CCDC138: variants seen among roughly 807,000 people sequenced by gnomAD.
CCDC138 encodes the protein coiled-coil domain containing 138.
A neutral mutation model predicts 82.3 loss-of-function variants in CCDC138; 66 were observed. That is an observed-to-expected ratio of 0.80 (90% CI 0.66 to 0.98). The LOEUF (loss-of-function observed/expected upper bound fraction) is 0.98. Among genes scored for constraint, CCDC138 ranks in the 50% least tolerant of loss-of-function variants. CCDC138 has a pLI of 0.00. For missense variants in CCDC138, 816 were observed against 758.9 expected (o/e 1.08, Z -0.88); for synonymous variants, 297 against 265.4 (o/e 1.12, Z -1.16).
intron 12 of CCDC138, among the ~76,000 whole-genome samples, chr2:108,851,595 G>GC (rs145844809): frequency 0.027 from 4,072 of 152,172 alleles, 166 homozygotes; most frequent in African/African-American, 0.093. Context: ...GAGCCACCGC[G>GC]CCCGGCCTTT....
chr2:108,885,054 A>G (rs1696390597), intron 2 of CCDC138: 1 of 152,256 alleles, frequency 6.6e-6, no homozygotes, highest in South Asian at 2.1e-4. Context: ...GAGAGATGCT[A>G]AAGGAGAATT....
chr2:108,787,026 G>A (rs1267227946), intron 1 of CCDC138, 111 bp downstream of exon 1: 7 of 591,608 alleles, frequency 1.2e-5, no homozygotes, highest in Non-Finnish European at 1.8e-5. Context: ...TCCCGGCCCC[G>A]GCACTCCCGC....
At position 108,843,990 on chromosome 2, in the gene CCDC138, A is replaced by T. The variant is rs532319194; in HGVS notation, c.1324-2748A>T. Among the ~76,000 whole-genome samples the T allele has an allele frequency of 4.4e-4, 64 of 145,712 alleles. 1 individual carries two copies. Among genetic ancestry groups the T allele is most frequent in the African/African-American group, 1.5e-3 (58 of 39,554 alleles). ...ACTGCAGCCTCACCCTCCTGGGCTC[A>T]AGCTGGGACCACGGTCATGTACTAC... On this transcript the variant is annotated intron_variant, in intron 11 of 14. Coordinates refer to ENST00000295124, the MANE Select transcript of CCDC138 (RefSeq NM_144978.3).
chr2:108,863,518 T>G (rs545848529), intron 13 of CCDC138, among the ~76,000 whole-genome samples: 6 of 152,214 alleles, frequency 3.9e-5, no homozygotes, highest in Non-Finnish European at 7.4e-5. Context: ...GGGGTGCTCA[T>G]TGGGAAGAGC....
Position 108,804,917 on chromosome 2 carries a change from C to T in CCDC138, c.764C>T (p.Thr255Ile). 1.9e-6 allele frequency: 3 copies of T among 1,558,900 alleles called. No individual in the cohort carries two copies. Among genetic ancestry groups the T allele is most frequent in the East Asian group, 2.3e-5 (1 of 42,666 alleles). ...CATGATGCAGAAGTTGAACACTTAA[C>T]CGAAGTTCTTAAGGAAAAGAATAAA... Reference protein sequence around the residue: ...EQHDAEVEHLTEVLKEKNKET... With the variant: ...EQHDAEVEHLIEVLKEKNKET... Residue 255 changes from threonine (T) to isoleucine (I), a missense_variant, in exon 7 of 15, where the codon ACC becomes ATC. Physicochemically the swap from Thr to Ile is moderately conservative, Grantham distance 89 (BLOSUM62 -1). Coordinates refer to ENST00000295124, the MANE Select transcript of CCDC138 (RefSeq NM_144978.3).
chr2:108,790,995 CAA>C (rs1256523003), intron 3 of CCDC138, among the ~76,000 whole-genome samples: 2 of 152,036 alleles, frequency 1.3e-5, no homozygotes, highest in Non-Finnish European at 2.9e-5. Context: ...CTCCTGGGCT[CAA>C]GAGATACTCC....
chr2:108,809,045 A>G (rs1683320547), intron 7 of CCDC138, among the ~76,000 whole-genome samples: 1 of 152,074 alleles, frequency 6.6e-6, no homozygotes. Context: ...ATGGATATCC[A>G]TTTCCTGCAT....
intron 10 of CCDC138, among the ~76,000 whole-genome samples, chr2:108,837,968 A>T (rs1688846597): frequency 6.6e-6 from 1 of 151,988 alleles, no homozygotes; most frequent in Non-Finnish European, 1.5e-5. Flanking sequence ...GATGGTAGGA[A>T]GACAGGAGTC....
intron 6 of CCDC138, among the ~76,000 whole-genome samples, chr2:108,799,779 A>C (rs2378214): frequency 0.8 from 121,827 of 152,048 alleles, 49,081 homozygotes; most frequent in East Asian, 0.95. Context: ...TATTTCCCCA[A>C]AGATTTCTGA....
At chr2:108,817,382 T>C (rs1273954552) in intron 10 of CCDC138, among the ~76,000 whole-genome samples, 1 of 151,860 alleles carries the variant, frequency 6.6e-6, no homozygotes, top group Non-Finnish European at 1.5e-5. Flanking sequence ...AGCCTCCACC[T>C]CCCGGGTTCA....
chr2:108,829,305 A>G (rs1687138725), intron 10 of CCDC138, among the ~76,000 whole-genome samples: 1 of 152,200 alleles, frequency 6.6e-6, no homozygotes, highest in Non-Finnish European at 1.5e-5. Context: ...AAAAGACCCT[A>G]TTTTTAAAAA....
At chr2:108,829,520 C>T (rs761936264) in intron 10 of CCDC138, among the ~76,000 whole-genome samples, 9 of 152,158 alleles carry the variant, frequency 5.9e-5, no homozygotes, top group African/African-American at 9.7e-5. Context: ...CCAAGGCAGG[C>T]GGGTCACTTG....
At chr2:108,790,014 T>A (rs192936451) in intron 3 of CCDC138, among the ~76,000 whole-genome samples, 2 of 152,362 alleles carry the variant, frequency 1.3e-5, no homozygotes, top group Admixed American at 1.3e-4. Flanking sequence ...AAAGTATCTG[T>A]ATGTTACATA....
In CCDC138 at chr2:108,812,619, T is replaced by C; in HGVS notation, c.856-12T>C. On this transcript the variant is annotated splice_polypyrimidine_tract_variant and intron_variant, in intron 7 of 14. Transcript: ENST00000295124. Reference sequence around the variant, plus strand: ...GTGTATATTGAAATATCTAACTTTTTCTACCCTTTAGTTAAATGAAGCAAG... The same window carrying C: ...GTGTATATTGAAATATCTAACTTTTCCTACCCTTTAGTTAAATGAAGCAAG... 6.2e-7 allele frequency: 1 copy of C among 1,603,762 alleles called. No homozygotes were observed. Among genetic ancestry groups the C allele is most frequent in the South Asian group, 1.1e-5 (1 of 90,794 alleles).
intron 12 of CCDC138, among the ~76,000 whole-genome samples, chr2:108,850,682 A>C (rs532254392): frequency 9.6e-4 from 146 of 152,044 alleles, no homozygotes; most frequent in African/African-American, 3.3e-3. Context: ...CGAACTCCTG[A>C]CCTCATGATC....
chr2:108,873,661 A>G, intron 14 of CCDC138, 72 bp downstream of exon 14: 2 of 1,109,188 alleles, frequency 1.8e-6, no homozygotes, highest in Non-Finnish European at 1.3e-6. Context: ...CAGGGGTTTT[A>G]ATCTTTTGGC....
At chr2:108,844,438 T>C (rs1690099589) in intron 11 of CCDC138, among the ~76,000 whole-genome samples, 1 of 152,228 alleles carries the variant, frequency 6.6e-6, no homozygotes, top group Admixed American at 6.5e-5. Flanking sequence ...TTTCTGTGTC[T>C]TCGATGAGAT....
In CCDC138 at chr2:108,839,258, A is replaced by G; in HGVS notation, c.1280A>G (p.Lys427Arg). 1 of 1,612,840 alleles carries G rather than the reference A, an allele frequency of 6.2e-7. No individual in the cohort carries two copies. Among genetic ancestry groups the G allele is most frequent in the Non-Finnish European group, 8.5e-7 (1 of 1,179,336 alleles). ...VNIKLHEPFV[K>R]FIYWSLRQLD... Reference sequence around the variant, plus strand: ...ATCAAACTTCACGAGCCTTTTGTAAAATTTATATATTGGTCCCTAAGGCAG... The same window carrying G: ...ATCAAACTTCACGAGCCTTTTGTAAGATTTATATATTGGTCCCTAAGGCAG... Residue 427 changes from lysine (K) to arginine (R), a missense_variant, in exon 11 of 15, where the codon AAA becomes AGA. Physicochemically the swap from Lys to Arg is conservative, Grantham distance 26. Coordinates refer to ENST00000295124, the MANE Select transcript of CCDC138 (RefSeq NM_144978.3).
At chr2:108,827,818 A>T (rs79214121) in intron 10 of CCDC138, among the ~76,000 whole-genome samples, 4 of 151,454 alleles carry the variant, frequency 2.6e-5, no homozygotes, top group African/African-American at 9.7e-5. Context: ...TATGTCTAAA[A>T]AAAAAAAAAA....
Sources: gnomAD v4.1 joint callset for allele counts (sites outside exome capture counted in the v4.1 genomes callset) on GRCh38, gnomAD v4.1.1 for gene constraint, MANE v1.5 for transcripts, NCBI Gene and HGNC (gene_info 2026-07-23, HGNC 2026-07-21) for gene names.